The following INSYN2B variants were observed in gnomAD, a reference collection of about 807,000 sequenced individuals.
INSYN2B encodes inhibitory synaptic factor family member 2B.
A neutral mutation model predicts 41.2 loss-of-function variants in INSYN2B; 16 were observed. That is an observed-to-expected ratio of 0.39 (90% CI 0.26 to 0.59). INSYN2B has a LOEUF of 0.59. INSYN2B is among the 20% of genes least tolerant of loss of function. The pLI is 0.57. For synonymous variants in INSYN2B, 245 were observed against 244.4 expected (o/e 1.00, Z -0.02); for missense variants, 608 against 646.4 (o/e 0.94, Z 0.64).
chr5:169,910,675 C>A (rs1561816408), intron 1 of INSYN2B, among the ~76,000 whole-genome samples: 2 of 152,196 alleles, frequency 1.3e-5, no homozygotes, highest in Admixed American at 6.5e-5. Context: ...CCAAAATGAC[C>A]TGTTACATCT....
intron 1 of INSYN2B, among the ~76,000 whole-genome samples, chr5:169,896,094 C>T (rs1773587901): frequency 6.6e-6 from 1 of 152,060 alleles, no homozygotes; most frequent in Admixed American, 6.5e-5. Flanking sequence ...GCCTGATTGG[C>T]TGCACTGGGG....
intron 1 of INSYN2B, among the ~76,000 whole-genome samples, chr5:169,955,710 C>T (rs571396498): frequency 2.4e-4 from 37 of 152,254 alleles, no homozygotes; most frequent in African/African-American, 8.9e-4. Flanking sequence ...ATTACAGAGA[C>T]ATTCTTTAAC....
At chr5:169,915,738 C>T (rs146641202) in intron 1 of INSYN2B, among the ~76,000 whole-genome samples, 111 of 152,224 alleles carry the variant, frequency 7.3e-4, no homozygotes, top group Middle Eastern at 3.4e-3. Flanking sequence ...CCATTTTAAA[C>T]CATCAAGGGC....
Position 169,882,964 on chromosome 5 carries a change from G to T in INSYN2B, c.935C>A (p.Pro312His). 1.3e-6 allele frequency: 2 copies of T among 1,551,706 alleles called. No individual in the cohort carries two copies. Among genetic ancestry groups the T allele is most frequent in the Non-Finnish European group, 1.7e-6 (2 of 1,146,918 alleles). ...TGGCTGGCTGTGGGAGCCTTGTGAG[G>T]GGGAACTGTGAGTCCGTGGAGATGA... ...VPSSPRTHSS[P>H]SQGSHSQPAH... Residue 312 changes from proline to histidine, a missense_variant, in exon 2 of 4, where the codon CCC (proline) becomes CAC (histidine). Pro to His is a moderately conservative substitution (Grantham distance 77). Transcript: ENST00000377365.
chr5:169,967,803 A>AAAC (rs1456657718), intron 1 of INSYN2B, among the ~76,000 whole-genome samples: 2 of 152,042 alleles, frequency 1.3e-5, no homozygotes, highest in Admixed American at 1.3e-4. Flanking sequence ...AGAAATGAAC[A>AAAC]AACTCAAGAC....
At position 169,882,801 on chromosome 5, in the gene INSYN2B, G is replaced by C; in HGVS notation, c.1098C>G (p.Asp366Glu). 3 of 1,551,640 alleles carry C rather than the reference G, an allele frequency of 1.9e-6. No homozygotes were observed. The highest frequency in any genetic ancestry group is 2.6e-6 in the Non-Finnish European group (3 of 1,146,894). The change falls in exon 2 of 4, where the codon GAC becomes GAG. Residue 366 changes from aspartate (D) to glutamate (E), a missense_variant. By Grantham distance (45) the Asp-to-Glu change is conservative (BLOSUM62 2). Transcript: ENST00000377365. Reference protein sequence around the residue: ...EQTANNPTESDTLEFPNCPGS... With the variant: ...EQTANNPTESETLEFPNCPGS... ...CTGGACAATTTGGAAACTCCAGTGT[G>C]TCTGACTCGGTGGGGTTGTTTGCCG...
chr5:169,931,979 A>C (rs1775778059), intron 1 of INSYN2B, among the ~76,000 whole-genome samples: 1 of 152,194 alleles, frequency 6.6e-6, no homozygotes, highest in African/African-American at 2.4e-5. Flanking sequence ...CCTGCCAGGA[A>C]CTGCTCTAGG....
intron 1 of INSYN2B, among the ~76,000 whole-genome samples, chr5:169,962,521 T>A (rs1032833825): frequency 1.3e-5 from 2 of 152,126 alleles, no homozygotes; most frequent in African/African-American, 4.8e-5. Context: ...CCTGCAAACA[T>A]TCACCTGGAG....
chr5:169,886,760 C>T (rs933111044), intron 1 of INSYN2B, among the ~76,000 whole-genome samples: 2 of 152,136 alleles, frequency 1.3e-5, no homozygotes, highest in Non-Finnish European at 2.9e-5. Context: ...TATATGTCTA[C>T]TTTTGAGGGT....
intron 1 of INSYN2B, among the ~76,000 whole-genome samples, chr5:169,959,883 C>G (rs923595549): frequency 1.3e-5 from 2 of 152,172 alleles, no homozygotes; most frequent in Non-Finnish European, 2.9e-5. Flanking sequence ...AAAGAGGAAA[C>G]AGAAGCACTT....
At chr5:169,872,364 G>A (rs1465379932) in intron 3 of INSYN2B, among the ~76,000 whole-genome samples, 2 of 152,194 alleles carry the variant, frequency 1.3e-5, no homozygotes, top group Non-Finnish European at 2.9e-5. Context: ...AGGAACTTTA[G>A]TTTGTATGTT....
chr5:169,951,234 C>T (rs996601352), intron 1 of INSYN2B, among the ~76,000 whole-genome samples: 1 of 152,208 alleles, frequency 6.6e-6, no homozygotes, highest in African/African-American at 2.4e-5. Flanking sequence ...AGACTTTGGG[C>T]TTTACCTTCC....
Position 169,972,578 on chromosome 5 carries a change from TAGATAGATGATAGATA to T in INSYN2B, c.-919+7683_-919+7698del, listed in dbSNP as rs1209357449. On this transcript the variant is annotated intron_variant, in intron 1 of 3. Coordinates refer to ENST00000377365, the MANE Select transcript of INSYN2B (RefSeq NM_001129891.3). ...ATAGATAGATAGATAGATAGATAGA[TAGATAGATGATAGATA>T]GATAGATAGATAGATAGATAGATAG... 6.6e-3 allele frequency among the ~76,000 whole-genome samples: 405 copies of T among 61,100 alleles called. 3 individuals are homozygous for T. The highest frequency in any genetic ancestry group is 0.022 in the African/African-American group (380 of 17,002). The allele number at this position is 61,100 out of a possible 152,430, so 40.1% of individuals were successfully genotyped here.
intron 1 of INSYN2B, among the ~76,000 whole-genome samples, chr5:169,944,163 G>A (rs1283309742): frequency 6.6e-6 from 1 of 152,152 alleles, no homozygotes. Context: ...AGGCTCAGGG[G>A]CGTGAGCTGC....
rs192962265 is a variant in INSYN2B at position 169,948,672 on chromosome 5, G to C, written c.-919+31605C>G. ...TCTGTTCCCCAGGCTGGAGTGCAGT[G>C]GTGTGATTATGGCTCACTGCAGTCT... On this transcript the variant is annotated intron_variant, in intron 1 of 3. Transcript: ENST00000377365. 9.0e-4 allele frequency among the ~76,000 whole-genome samples: 135 copies of C among 149,704 alleles called. 1 individual carries two copies. Among genetic ancestry groups the C allele is most frequent in the African/African-American group, 3.3e-3 (133 of 40,576 alleles).
At chr5:169,925,016 GTAATTAAA>G (rs986550649) in intron 1 of INSYN2B, among the ~76,000 whole-genome samples, 2 of 152,124 alleles carry the variant, frequency 1.3e-5, no homozygotes, top group African/African-American at 4.8e-5. Flanking sequence ...ATTGACTCAA[GTAATTAAA>G]TCATCAATAA....
At chr5:169,938,921 T>TTCA (rs1776110199) in intron 1 of INSYN2B, among the ~76,000 whole-genome samples, 1 of 149,960 alleles carries the variant, frequency 6.7e-6, no homozygotes, top group African/African-American at 2.4e-5. Flanking sequence ...TTTTTTTTTT[T>TTCA]GAAATGGAGT....
intron 1 of INSYN2B, among the ~76,000 whole-genome samples, chr5:169,897,273 C>T (rs2113563570): frequency 6.6e-6 from 1 of 152,214 alleles, no homozygotes; most frequent in African/African-American, 2.4e-5. Flanking sequence ...CACCTTCCAC[C>T]TCCTGGGTTC....
intron 1 of INSYN2B, among the ~76,000 whole-genome samples, chr5:169,941,264 AATGG>A (rs1197840682): frequency 1.4e-4 from 21 of 152,228 alleles, no homozygotes; most frequent in African/African-American, 3.9e-4. Context: ...GCTGGAATGC[AATGG>A]ATAATCTCGG....
Sources: gnomAD v4.1 joint callset for allele counts (sites outside exome capture counted in the v4.1 genomes callset) on GRCh38, gnomAD v4.1.1 for gene constraint, MANE v1.5 for transcripts, NCBI Gene and HGNC (gene_info 2026-07-23, HGNC 2026-07-21) for gene names.